The following DLGAP1 variants were observed in gnomAD, a reference collection of about 807,000 sequenced individuals.
DLGAP1 encodes DLG associated protein 1.
A neutral mutation model predicts 90.8 loss-of-function variants in DLGAP1; 11 were observed. The ratio of observed to expected loss-of-function variants is 0.12; its 90% CI spans 0.08 to 0.20. The LOEUF (loss-of-function observed/expected upper bound fraction) is 0.20, where lower values mean the gene tolerates loss of function less well. DLGAP1 is among the 10% of genes least tolerant of loss of function. The pLI, the probability that DLGAP1 is intolerant of heterozygous loss-of-function variation, is 1.00. For synonymous variants in DLGAP1, 558 were observed against 540.7 expected, an observed-to-expected ratio of 1.03 and a Z score of -0.44; for missense variants, 1,050 against 1,333.8, an observed-to-expected ratio of 0.79 and a Z score of 3.31.
chr18:4,112,581 T>C (rs777124718), intron 2 of DLGAP1, among the ~76,000 whole-genome samples: 15 of 152,202 alleles, frequency 9.9e-5, no homozygotes, highest in Non-Finnish European at 1.3e-4. Flanking sequence ...TGTTGTATTT[T>C]GGGGTTGCAT....
At chr18:4,186,401 A>G (rs988200237) in intron 1 of DLGAP1, among the ~76,000 whole-genome samples, 4 of 151,994 alleles carry the variant, frequency 2.6e-5, no homozygotes, top group Non-Finnish European at 1.5e-5. Context: ...TGGTTTTTAT[A>G]GTTTTGGCTT....
rs548341987 is a variant in DLGAP1 at position 4,226,338 on chromosome 18, C to T, written c.-266-75051G>A. Among the ~76,000 whole-genome samples the T allele has an allele frequency of 2.0e-5, 3 of 151,950 alleles. No homozygotes were observed. In the East Asian group the frequency reaches 5.8e-4, roughly 29 times the overall value. ...GTCTAAAAGAAAAGGACTTTAATGACCAATATCTGAAGGTATAAAAATCAA... is the reference window on the plus strand; with the variant it reads ...GTCTAAAAGAAAAGGACTTTAATGATCAATATCTGAAGGTATAAAAATCAA... On this transcript the variant is annotated intron_variant, in intron 1 of 12. Transcript: ENST00000315677.
chr18:3,505,132 G>GACATAAGCAGTGCCGCC (rs1555657989), intron 11 of DLGAP1, among the ~76,000 whole-genome samples: 2 of 151,908 alleles, frequency 1.3e-5, no homozygotes, highest in Admixed American at 6.5e-5. Context: ...TGCAGCTGTG[G>GACATAAGCAGTGCCGCC]ACCAGGCCAC....
At chr18:4,080,286 A>C (rs2075586542) in intron 2 of DLGAP1, among the ~76,000 whole-genome samples, 1 of 152,248 alleles carries the variant, frequency 6.6e-6, no homozygotes, top group African/African-American at 2.4e-5. Context: ...AGTGATAACT[A>C]ATAAATCATT....
intron 1 of DLGAP1, among the ~76,000 whole-genome samples, chr18:4,205,839 C>T (rs754467962): frequency 1.3e-5 from 2 of 152,254 alleles, no homozygotes; most frequent in Middle Eastern, 3.4e-3. Context: ...CACATACAAT[C>T]GCTAATTGTA....
intron 1 of DLGAP1, among the ~76,000 whole-genome samples, chr18:4,189,925 G>A (rs772806965): frequency 9.2e-5 from 14 of 152,136 alleles, no homozygotes; most frequent in Non-Finnish European, 1.6e-4. Context: ...AGCAACAGGC[G>A]CTCCCATACA....
chr18:4,016,543 G>T (rs191011148), intron 2 of DLGAP1, among the ~76,000 whole-genome samples: 2 of 152,258 alleles, frequency 1.3e-5, no homozygotes, highest in East Asian at 3.9e-4. Flanking sequence ...ATGAAGGAAG[G>T]CTTAACCATT....
intron 7 of DLGAP1, among the ~76,000 whole-genome samples, chr18:3,718,648 AG>A (rs1157616167): frequency 6.6e-6 from 1 of 151,778 alleles, no homozygotes; most frequent in Admixed American, 6.6e-5. Context: ...GAAAATGGCC[AG>A]GCACGGTGGC....
At chr18:3,692,402 G>A (rs1214090119) in intron 7 of DLGAP1, among the ~76,000 whole-genome samples, 1 of 152,196 alleles carries the variant, frequency 6.6e-6, no homozygotes, top group Non-Finnish European at 1.5e-5. Context: ...GAGTTCAAAT[G>A]TAATTTTATC....
chr18:4,309,396 G>A (rs2080342231), intron 1 of DLGAP1, among the ~76,000 whole-genome samples: 1 of 152,168 alleles, frequency 6.6e-6, no homozygotes, highest in Non-Finnish European at 1.5e-5. Context: ...TCAAAAGCAA[G>A]AGAGTGCAAG....
intron 1 of DLGAP1, among the ~76,000 whole-genome samples, chr18:4,391,546 A>T (rs2144427958): frequency 6.6e-6 from 1 of 152,272 alleles, no homozygotes; most frequent in Admixed American, 6.5e-5. Context: ...TTTCTGTGGT[A>T]CTGATTGGTG....
intron 1 of DLGAP1, among the ~76,000 whole-genome samples, chr18:4,217,831 G>A (rs1454630491): frequency 2.0e-5 from 3 of 151,894 alleles, no homozygotes; most frequent in African/African-American, 4.8e-5. Context: ...TCTTTATTGT[G>A]TCTTTTGGAA....
At chr18:4,113,202 C>A (rs1421816567) in intron 2 of DLGAP1, among the ~76,000 whole-genome samples, 2 of 152,160 alleles carry the variant, frequency 1.3e-5, no homozygotes, top group African/African-American at 2.4e-5. Flanking sequence ...TCCACAGTGA[C>A]TGAAATAATT....
intron 3 of DLGAP1, among the ~76,000 whole-genome samples, chr18:3,898,015 C>G (rs112101587): frequency 6.6e-5 from 10 of 151,940 alleles, no homozygotes; most frequent in South Asian, 2.1e-4. Flanking sequence ...AGGATGGTCT[C>G]GATCTCCTGA....
At chr18:4,091,845 T>A (rs558648846) in intron 2 of DLGAP1, among the ~76,000 whole-genome samples, 2 of 152,276 alleles carry the variant, frequency 1.3e-5, no homozygotes, top group Admixed American at 6.5e-5. Context: ...AGTTCCAATA[T>A]CTAGGTCATA....
chr18:3,743,717 C>G (rs2063154503), intron 5 of DLGAP1, among the ~76,000 whole-genome samples: 1 of 152,006 alleles, frequency 6.6e-6, no homozygotes, highest in Non-Finnish European at 1.5e-5. Context: ...GTGGCATGAT[C>G]TTGGCTCACT....
chr18:4,168,434 A>G (rs2076967961), intron 1 of DLGAP1, among the ~76,000 whole-genome samples: 1 of 152,118 alleles, frequency 6.6e-6, no homozygotes, highest in African/African-American at 2.4e-5. Context: ...ACAAAATTTA[A>G]CTCACAATTA....
At chr18:4,093,002 T>A (rs1253980899) in intron 2 of DLGAP1, among the ~76,000 whole-genome samples, 1 of 152,232 alleles carries the variant, frequency 6.6e-6, no homozygotes, top group Non-Finnish European at 1.5e-5. Context: ...GAGGAGCTTG[T>A]CTTTCTTAGG....
chr18:3,541,523 G>A (rs1293035927), intron 9 of DLGAP1, among the ~76,000 whole-genome samples: 6 of 152,216 alleles, frequency 3.9e-5, no homozygotes, highest in African/African-American at 1.4e-4. Flanking sequence ...AAACTTTGAA[G>A]AGTGGGGACT....
Sources: gnomAD v4.1 joint callset for allele counts (sites outside exome capture counted in the v4.1 genomes callset) on GRCh38, gnomAD v4.1.1 for gene constraint, MANE v1.5 for transcripts, NCBI Gene and HGNC (gene_info 2026-07-23, HGNC 2026-07-21) for gene names.